The following CFAP20DC variants were observed in gnomAD, a reference collection of about 807,000 sequenced individuals.
The protein encoded by CFAP20DC is protein CFAP20DC.
A neutral mutation model predicts 101.7 loss-of-function variants in CFAP20DC; 84 were observed. The ratio of observed to expected loss-of-function variants is 0.83; its 90% CI spans 0.69 to 0.99. The LOEUF (loss-of-function observed/expected upper bound fraction) is 0.99. Ranked by LOEUF, CFAP20DC falls within the 50% of genes least tolerant of loss-of-function variation. The probability of loss-of-function intolerance (pLI) is 0.00; values close to 1 mark genes in which losing one functional copy is unlikely to be tolerated. For missense variants in CFAP20DC, 1,007 were observed against 970.3 expected, an observed-to-expected ratio of 1.04 and a Z score of -0.50; for synonymous variants, 359 against 351.2, an observed-to-expected ratio of 1.02 and a Z score of -0.25.
At chr3:59,045,234 C>T (rs1699754441) in intron 3 of CFAP20DC, among the ~76,000 whole-genome samples, 1 of 151,818 alleles carries the variant, frequency 6.6e-6, no homozygotes. Context: ...TGAAATGGCA[C>T]ATAAAGCACA....
intron 4 of CFAP20DC, among the ~76,000 whole-genome samples, chr3:59,032,415 C>T (rs1361579764): frequency 2.6e-5 from 4 of 152,180 alleles, no homozygotes; most frequent in African/African-American, 7.2e-5. Context: ...GCAGATCCCA[C>T]CCCTACAGAG....
intron 4 of CFAP20DC, among the ~76,000 whole-genome samples, chr3:58,994,645 G>A (rs1450169559): frequency 1.3e-5 from 2 of 151,960 alleles, no homozygotes; most frequent in African/African-American, 2.4e-5. Context: ...TGTATTTTAT[G>A]CATTTCTAGA....
intron 15 of CFAP20DC, among the ~76,000 whole-genome samples, chr3:58,780,964 A>G (rs140209119): frequency 1.3e-5 from 2 of 152,180 alleles, no homozygotes; most frequent in Admixed American, 6.5e-5. Flanking sequence ...AGAACATTTC[A>G]TTCAACAGCT....
At position 58,971,468 on chromosome 3, in the gene CFAP20DC, T is replaced by A. The variant is rs1240307382; in HGVS notation, c.279-33706A>T. 6.6e-6 allele frequency among the ~76,000 whole-genome samples: 1 copy of A among 152,186 alleles called. No homozygotes were observed. ...CCTTCCTCACCTATGCTCTCCAGAA[T>A]GTATCACTATAATTGCAGAAGATTT... is the stretch of plus-strand genomic sequence containing the variant. On this transcript the variant is annotated intron_variant, in intron 4 of 16. Coordinates refer to ENST00000482387, the MANE Select transcript of CFAP20DC (RefSeq NM_001394063.1). The surrounding 1 kb of genome is among the most constrained non-coding windows in gnomAD (Gnocchi z 4.1).
intron 6 of CFAP20DC, among the ~76,000 whole-genome samples, chr3:58,884,971 T>A (rs942230705): frequency 6.6e-6 from 1 of 152,160 alleles, no homozygotes; most frequent in Non-Finnish European, 1.5e-5. Flanking sequence ...AATAAGAGCA[T>A]GCATTGGAAA....
At chr3:58,999,260 G>C (rs979682188) in intron 4 of CFAP20DC, among the ~76,000 whole-genome samples, 5 of 152,186 alleles carry the variant, frequency 3.3e-5, no homozygotes, top group Non-Finnish European at 7.4e-5. Flanking sequence ...AGTGATGTCT[G>C]GGAGGCCAGG....
rs2075448123 is a variant in CFAP20DC, at chr3:58,819,447, T to G, written c.2175+12239A>C. On this transcript the variant is annotated intron_variant, in intron 14 of 16. Coordinates refer to ENST00000482387, the MANE Select transcript of CFAP20DC (RefSeq NM_001394063.1). ...AGAATCAAATAGACACAATAAAAAA[T>G]GATAAAGGGGATATCACCACCGATC... 2.0e-5 allele frequency among the ~76,000 whole-genome samples: 3 copies of G among 150,406 alleles called. No homozygotes were observed. In the South Asian group the frequency reaches 6.4e-4, roughly 32 times the overall value.
intron 5 of CFAP20DC, among the ~76,000 whole-genome samples, chr3:58,934,332 C>G (rs2087199491): frequency 1.3e-5 from 2 of 152,220 alleles, no homozygotes; most frequent in South Asian, 4.1e-4. Flanking sequence ...CAGCCGAATT[C>G]TACCAGAGGT....
intron 4 of CFAP20DC, among the ~76,000 whole-genome samples, chr3:58,991,108 C>T (rs1422560679): frequency 1.3e-5 from 2 of 152,128 alleles, no homozygotes; most frequent in Non-Finnish European, 2.9e-5. Flanking sequence ...TTTCTAGGTA[C>T]ACAATCATGA....
At chr3:59,042,150 G>C (rs561842767) in intron 3 of CFAP20DC, among the ~76,000 whole-genome samples, 1 of 152,028 alleles carries the variant, frequency 6.6e-6, no homozygotes, top group Non-Finnish European at 1.5e-5. Context: ...CTGGGCAAGC[G>C]GGATGGGTGT....
intron 3 of CFAP20DC, among the ~76,000 whole-genome samples, chr3:59,043,130 T>C (rs1253907619): frequency 1.3e-5 from 2 of 152,068 alleles, no homozygotes; most frequent in Admixed American, 6.5e-5. Context: ...GAGCTGGAAA[T>C]GTAAGCTAGA....
chr3:58,794,228 G>GTT, intron 15 of CFAP20DC: 4 of 387,244 alleles, frequency 1.0e-5, no homozygotes, highest in Non-Finnish European at 2.1e-5. Flanking sequence ...TCAGAATATA[G>GTT]TTTTTTTTTC....
chr3:59,043,000 A>G (rs1442643506), intron 3 of CFAP20DC, among the ~76,000 whole-genome samples: 1 of 152,210 alleles, frequency 6.6e-6, no homozygotes, highest in African/African-American at 2.4e-5. Flanking sequence ...AGGAGAAGGA[A>G]TTTCGAGGAG....
At chr3:58,779,945 T>C (rs1218925020) in intron 15 of CFAP20DC, among the ~76,000 whole-genome samples, 1 of 151,972 alleles carries the variant, frequency 6.6e-6, no homozygotes. Context: ...AAAGAGAGAA[T>C]TATAAAACCA....
chr3:58,873,454 CA>C (rs1215075939), intron 7 of CFAP20DC, among the ~76,000 whole-genome samples: 2 of 149,612 alleles, frequency 1.3e-5, no homozygotes, highest in Non-Finnish European at 3.0e-5. Context: ...TGCTGTAAGG[CA>C]GGTGCTCAAG....
intron 15 of CFAP20DC, among the ~76,000 whole-genome samples, chr3:58,798,247 A>T (rs2073404336): frequency 6.6e-6 from 1 of 152,208 alleles, no homozygotes; most frequent in South Asian, 2.1e-4. Flanking sequence ...TCCAGATGCC[A>T]CTAAAAACAT....
At chr3:58,998,734 G>A (rs1193551528) in intron 4 of CFAP20DC, among the ~76,000 whole-genome samples, 2 of 152,158 alleles carry the variant, frequency 1.3e-5, no homozygotes, top group African/African-American at 4.8e-5. Context: ...TGGCCCTGAT[G>A]ATGACGTGTC....
chr3:58,737,386 G>A (rs933597261), downstream of CFAP20DC, among the ~76,000 whole-genome samples: 25 of 151,910 alleles, frequency 1.6e-4, no homozygotes, highest in African/African-American at 5.6e-4. This position sits in a 1 kb window ranked among gnomAD's most constrained non-coding sequence, Gnocchi z 4.1. Flanking sequence ...ACAAACTGAG[G>A]ATGGGGGACA....
chr3:58,990,120 G>T (rs561989573), intron 4 of CFAP20DC, among the ~76,000 whole-genome samples: 1 of 152,240 alleles, frequency 6.6e-6, no homozygotes, highest in East Asian at 1.9e-4. Context: ...CAATGCCCTG[G>T]AAACACTCTG....
Sources: gnomAD v4.1 joint callset for allele counts (sites outside exome capture counted in the v4.1 genomes callset) on GRCh38, gnomAD v4.1.1 for gene constraint, Gnocchi (gnomAD v3.1) non-coding constraint, MANE v1.5 for transcripts, NCBI Gene and HGNC (gene_info 2026-07-23, HGNC 2026-07-21) for gene names.